The following PKP2 variants were observed in gnomAD, a reference collection of about 807,000 sequenced individuals.
PKP2 encodes the protein plakophilin-2.
In PKP2, 73 loss-of-function variants were observed where a neutral mutation model predicts 83.4. The ratio of observed to expected loss-of-function variants is 0.88; its 90% CI spans 0.72 to 1.06. The LOEUF (loss-of-function observed/expected upper bound fraction) is 1.06. Ranked by LOEUF, PKP2 falls within the 50% of genes least tolerant of loss-of-function variation. The pLI, the probability that PKP2 is intolerant of heterozygous loss-of-function variation, is 0.00. For synonymous variants in PKP2, 409 were observed against 430.4 expected (o/e 0.95, Z 0.62); for missense variants, 966 against 1,065.4 (o/e 0.91, Z 1.30).
At position 32,803,368 on chromosome 12, in the gene PKP2, T is replaced by TAAAC. The variant is rs145781871; in HGVS notation, c.2014-816_2014-813dup. On this transcript the variant is annotated intron_variant, in intron 9 of 12. Coordinates refer to ENST00000340811, the MANE Select transcript of PKP2 (RefSeq NM_001005242.3). ...GCCTGGGTGACAGAGTGACAGTGTC[T>TAAAC]AAACAAACAAACAAACAAACAAACA... 8.5e-3 allele frequency among the ~76,000 whole-genome samples: 1,295 copies of TAAAC among 152,188 alleles called. 23 individuals are homozygous for TAAAC. Among genetic ancestry groups the TAAAC allele is most frequent in the African/African-American group, 0.028 (1,174 of 41,512 alleles).
chr12:32,823,903 G>A (rs975411312), intron 7 of PKP2, 142 bp downstream of exon 7: 3 of 677,416 alleles, frequency 4.4e-6, no homozygotes, highest in Non-Finnish European at 7.9e-6. Context: ...GCCTGGCCTA[G>A]GTTTTAATAT....
chr12:32,814,046 C>A (rs1472731291), intron 9 of PKP2, among the ~76,000 whole-genome samples: 1 of 152,136 alleles, frequency 6.6e-6, no homozygotes, highest in Admixed American at 6.6e-5. Context: ...GAGGAGACTA[C>A]TGGACACCAC....
chr12:32,802,394 C>T lies in PKP2; in HGVS notation c.2167+9G>A. 6.2e-7 allele frequency: 1 copy of T among 1,613,400 alleles called. No individual in the cohort carries two copies. Among genetic ancestry groups the T allele is most frequent in the Non-Finnish European group, 8.5e-7 (1 of 1,179,478 alleles). The stretch of plus-strand genomic sequence containing the variant: ...TACATATTACACATAGATACTTATA[C>T]CGACTCACCAATTTCATTCTGCAGA... On this transcript the variant is annotated intron_variant, in intron 10 of 12. Transcript: ENST00000340811.
At position 32,879,158 on chromosome 12, in the gene PKP2, C is replaced by T. The variant is rs527683420; in HGVS notation, c.224-126G>A. On this transcript the variant is annotated intron_variant, in intron 1 of 12. Coordinates refer to ENST00000340811, the MANE Select transcript of PKP2 (RefSeq NM_001005242.3). ...ATGAAGGCCAAGAACAAGTATTAAA[C>T]GTACGTTAATGTTTTTAAATGCTAG... 9 of 693,972 alleles carry T rather than the reference C, an allele frequency of 1.3e-5. No individual in the cohort carries two copies. In the East Asian group the frequency reaches 1.6e-4, roughly 12 times the overall value. 43.0% of individuals were successfully genotyped at this position (693,972 alleles called of 1,614,324 possible).
At chr12:32,819,483 C>A (rs1479147639) in intron 9 of PKP2, among the ~76,000 whole-genome samples, 1 of 151,924 alleles carries the variant, frequency 6.6e-6, no homozygotes, top group Non-Finnish European at 1.5e-5. Flanking sequence ...CCTATTAGGC[C>A]CCTTAGGTAT....
intron 9 of PKP2, among the ~76,000 whole-genome samples, chr12:32,814,964 G>A (rs1291956778): frequency 7.9e-5 from 12 of 151,786 alleles, no homozygotes; most frequent in African/African-American, 2.4e-5. Context: ...AATCTTGTCA[G>A]TCTGGTTTAT....
At chr12:32,890,074 CAAAAAAAAA>C (rs55957473) in intron 1 of PKP2, among the ~76,000 whole-genome samples, 1 of 64,006 alleles carries the variant, frequency 1.6e-5, no homozygotes, top group Non-Finnish European at 2.7e-5. Flanking sequence ...GACTCCATCT[CAAAAAAAAA>C]AAAAAAAAAA....
intron 4 of PKP2, among the ~76,000 whole-genome samples, chr12:32,861,914 CAG>C (rs1299785033): frequency 2.0e-5 from 3 of 152,050 alleles, no homozygotes; most frequent in Non-Finnish European, 4.4e-5. Flanking sequence ...TTCTTTGAGA[CAG>C]AGAGAGAGTC....
In PKP2 at chr12:32,792,392, T is replaced by C. The variant is rs1565570856; in HGVS notation, c.*32A>G. The C allele has an allele frequency of 1.3e-6, 2 of 1,552,968 alleles. No individual in the cohort carries two copies. ...AAAAATAGGTGTTTTCCTTTGGGGATTTTTGCAGCCGAGAATACTTTGTCA... is the reference window on the plus strand; with the variant it reads ...AAAAATAGGTGTTTTCCTTTGGGGACTTTTGCAGCCGAGAATACTTTGTCA... On this transcript the variant is annotated 3_prime_UTR_variant, in exon 13 of 13. Transcript: ENST00000340811.
chr12:32,803,305 A>G (rs779717452), intron 9 of PKP2, among the ~76,000 whole-genome samples: 1 of 152,146 alleles, frequency 6.6e-6, no homozygotes, highest in Non-Finnish European at 1.5e-5. Context: ...CCTGGGAGAC[A>G]GAGGTTGCAG....
intron 4 of PKP2, among the ~76,000 whole-genome samples, chr12:32,865,172 G>GAA (rs759285666): frequency 4.0e-5 from 6 of 149,710 alleles, no homozygotes; most frequent in Non-Finnish European, 8.9e-5. Flanking sequence ...GTCAGGAGTT[G>GAA]GAGACCAGCC....
chr12:32,888,524 T>G (rs942492334), intron 1 of PKP2, among the ~76,000 whole-genome samples: 4 of 151,866 alleles, frequency 2.6e-5, no homozygotes, highest in Admixed American at 2.0e-4. Context: ...ATTTTCACTC[T>G]TGTTGCCCAG....
chr12:32,874,781 C>T (rs529910743), intron 3 of PKP2, among the ~76,000 whole-genome samples: 2 of 152,270 alleles, frequency 1.3e-5, no homozygotes, highest in Non-Finnish European at 2.9e-5. Context: ...CATTCTGTTG[C>T]CCAGGCTGGG....
Position 32,850,852 on chromosome 12 carries a change from A to G in PKP2, c.1292T>C (p.Leu431Ser), listed in dbSNP as rs143397927. Residue 431 changes from leucine to serine, a missense_variant, in exon 5 of 13, where the codon TTG becomes TCG. Leu to Ser is a moderately radical substitution (Grantham distance 145, BLOSUM62 -2). Transcript: ENST00000340811. The part of the protein sequence containing the change: ...NLVFEDNDNK[L>S]EVAELNGVPR... ...TACCCCATTTAGTTCAGCCACCTCC[A>G]ATTTGTTGTCATTGTCTTCAAATAC... 3.3e-5 allele frequency: 54 copies of G among 1,613,892 alleles called. No individual in the cohort carries two copies. Among genetic ancestry groups the G allele is most frequent in the Non-Finnish European group, 4.4e-5 (52 of 1,179,848 alleles).
chr12:32,840,588 C>T (rs188638427), intron 6 of PKP2, among the ~76,000 whole-genome samples: 9 of 152,248 alleles, frequency 5.9e-5, no homozygotes, highest in East Asian at 3.9e-4. Flanking sequence ...TGTGAGCCAC[C>T]GCACCCAGCC....
At chr12:32,856,552 A>G (rs369802532) in intron 4 of PKP2, among the ~76,000 whole-genome samples, 39 of 152,222 alleles carry the variant, frequency 2.6e-4, no homozygotes, top group African/African-American at 8.4e-4. Context: ...GAACTGAACA[A>G]TGAGAACACA....
At chr12:32,838,801 A>G (rs1387758921) in intron 6 of PKP2, among the ~76,000 whole-genome samples, 1 of 152,230 alleles carries the variant, frequency 6.6e-6, no homozygotes, top group African/African-American at 2.4e-5. Flanking sequence ...CAACTATCAT[A>G]TAACAGCAAT....
intron 4 of PKP2, among the ~76,000 whole-genome samples, chr12:32,865,774 A>G (rs1017453347): frequency 1.3e-5 from 2 of 152,136 alleles, no homozygotes; most frequent in Admixed American, 1.3e-4. Context: ...CAAAGATACA[A>G]AGACAATTTA....
chr12:32,830,775 G>A lies in PKP2; in HGVS notation c.1557-6613C>T, dbSNP rs112506258. 4.9e-3 allele frequency among the ~76,000 whole-genome samples: 741 copies of A among 152,064 alleles called. 6 individuals are homozygous for A. The highest frequency in any genetic ancestry group is 0.017 in the African/African-American group (709 of 41,504). On this transcript the variant is annotated intron_variant, in intron 6 of 12. Coordinates refer to ENST00000340811, the MANE Select transcript of PKP2 (RefSeq NM_001005242.3). The stretch of plus-strand genomic sequence containing the variant: ...AAAAAAATTAGCTGGGTGTAGTAGC[G>A]CATGCCTGTAATCCCAGCTACTTGG...
Sources: gnomAD v4.1 joint callset for allele counts (sites outside exome capture counted in the v4.1 genomes callset) on GRCh38, gnomAD v4.1.1 for gene constraint, MANE v1.5 for transcripts, NCBI Gene and HGNC (gene_info 2026-07-23, HGNC 2026-07-21) for gene names.